The following FAM178B variants were observed in gnomAD, a reference collection of about 807,000 sequenced individuals.
FAM178B encodes the protein protein FAM178B.
FAM178B carries 82 observed loss-of-function variants against 91.7 expected under a neutral mutation model. The ratio of observed to expected loss-of-function variants is 0.89; its 90% CI spans 0.75 to 1.07. The LOEUF (loss-of-function observed/expected upper bound fraction) is 1.07, where lower values mean the gene tolerates loss of function less well. Ranked by LOEUF, FAM178B falls within the 50% of genes least tolerant of loss-of-function variation. The pLI is 0.00. For synonymous variants in FAM178B, 368 were observed against 359.4 expected, an observed-to-expected ratio of 1.02 and a Z score of -0.27; for missense variants, 769 against 846.7, an observed-to-expected ratio of 0.91 and a Z score of 1.14.
chr2:96,972,127 G>C lies in FAM178B; in HGVS notation c.338C>G (p.Pro113Arg). 3.3e-6 allele frequency: 5 copies of C among 1,528,952 alleles called. No homozygotes were observed. In the South Asian group the frequency reaches 3.7e-5, roughly 11 times the overall value. The allele number at this position is 1,528,952 out of a possible 1,614,324, so 94.7% of individuals were successfully genotyped here. ...GETFPTDWSP[P>R]PVEFLNPRVL... Reference sequence around the variant, plus strand: ...CCTCGGGTTGAGGAATTCCACGGGCGGGGGGCTCCAGTCAGTGGGAAACGT... The same window carrying C: ...CCTCGGGTTGAGGAATTCCACGGGCCGGGGGCTCCAGTCAGTGGGAAACGT... Residue 113 changes from proline (P) to arginine (R), a missense_variant, in exon 3 of 17, where the codon CCG becomes CGG. Pro to Arg is a moderately radical substitution (Grantham distance 103). Coordinates refer to ENST00000490605, the MANE Select transcript of FAM178B (RefSeq NM_001122646.3).
chr2:96,897,857 A>C (rs763878535), intron 13 of FAM178B: 1 of 653,690 alleles, frequency 1.5e-6, no homozygotes, highest in Admixed American at 6.3e-5. Context: ...ACTTCTGCGC[A>C]GAAGTCAAAA....
rs574458184 is a variant in FAM178B, at chr2:96,949,830, G to A, written c.993+1549C>T. 2.0e-5 allele frequency among the ~76,000 whole-genome samples: 3 copies of A among 152,322 alleles called. No homozygotes were observed. The East Asian group carries it at 5.8e-4, about 29-fold the overall frequency. ...AGGCCCAGAGCAGAGCTCTGTGGGG[G>A]CACAAGGACAAGGCAGCTCACGGAT... On this transcript the variant is annotated intron_variant, in intron 7 of 16. Transcript: ENST00000490605.
rs1044075588 is a variant in FAM178B at position 96,972,209 on chromosome 2, C to T, written c.256G>A (p.Ala86Thr). The T allele has an allele frequency of 1.9e-6, 3 of 1,543,314 alleles. No individual in the cohort carries two copies. The highest frequency in any genetic ancestry group is 8.7e-7 in the Non-Finnish European group (1 of 1,143,520). ...GGCGATGTGGGAGCTGGAGCCGAGGCAGGGCTGCAGGGCCGCCGGGCAGGG... is the reference window on the plus strand; with the variant it reads ...GGCGATGTGGGAGCTGGAGCCGAGGTAGGGCTGCAGGGCCGCCGGGCAGGG... ...RCPARRPCSP[A>T]SAPAPTSPKK... Residue 86 changes from alanine to threonine, a missense_variant, in exon 3 of 17, where the codon GCC becomes ACC. Transcript: ENST00000490605.
At chr2:96,898,204 G>A (rs749455093) in intron 13 of FAM178B, 42 of 815,896 alleles carry the variant, frequency 5.1e-5, no homozygotes, top group Admixed American at 4.4e-4. Flanking sequence ...AGGGAGGGAC[G>A]GCCCTTGTCC....
In FAM178B at chr2:96,972,237, G is replaced by A; in HGVS notation, c.228C>T (p.Arg76=). The A allele has an allele frequency of 2.6e-6, 4 of 1,526,776 alleles. No homozygotes were observed. The highest frequency in any genetic ancestry group is 3.5e-6 in the Non-Finnish European group (4 of 1,136,844). 94.6% of individuals were successfully genotyped at this position (1,526,776 alleles called of 1,614,324 possible). The stretch of plus-strand genomic sequence containing the variant: ...GGCTGCAGGGCCGCCGGGCAGGGCA[G>A]CGGGGCCCCTGGTCCAGGGGATGGT... ...LSDHPLDQGP[R]CPARRPCSPA... The change falls in exon 3 of 17, where the codon CGC becomes CGT. Residue 76 remains arginine, a synonymous_variant. Coordinates refer to ENST00000490605, the MANE Select transcript of FAM178B (RefSeq NM_001122646.3).
In FAM178B at chr2:96,967,911, CTTTTTTTTTTTT is replaced by C. The variant is rs60965536; in HGVS notation, c.627-296_627-285del. Among the ~76,000 whole-genome samples, 235 of 62,442 alleles carry C rather than the reference CTTTTTTTTTTTT, an allele frequency of 3.8e-3. 10 individuals carry two copies. Among genetic ancestry groups the C allele is most frequent in the South Asian group, 7.9e-3 (15 of 1,900 alleles). 41.0% of individuals were successfully genotyped at this position (62,442 alleles called of 152,430 possible). Reference sequence around the variant, plus strand: ...TCTTTACTTGTGTACCCTGTTTGGTCTTTTTTTTTTTTTTTTTTTTTTTTTTTGATACCAGAC... The same window carrying C: ...TCTTTACTTGTGTACCCTGTTTGGTCTTTTTTTTTTTTTTTGATACCAGAC... On this transcript the variant is annotated intron_variant, in intron 4 of 16. Transcript: ENST00000490605.
chr2:96,934,621 G>A (rs2081594833), intron 8 of FAM178B, among the ~76,000 whole-genome samples: 1 of 152,154 alleles, frequency 6.6e-6, no homozygotes, highest in Non-Finnish European at 1.5e-5. Flanking sequence ...CAGGATGCAG[G>A]CAGACCGGCG....
intron 14 of FAM178B, among the ~76,000 whole-genome samples, chr2:96,884,583 G>C (rs1353250758): frequency 6.6e-6 from 1 of 152,236 alleles, no homozygotes. Context: ...GAGGGAGACA[G>C]AGCTTAGGTG....
intron 1 of FAM178B, among the ~76,000 whole-genome samples, chr2:96,985,150 G>T (rs1298145492): frequency 6.6e-6 from 1 of 152,190 alleles, no homozygotes; most frequent in Non-Finnish European, 1.5e-5. Flanking sequence ...GACAGCGTGG[G>T]AGGGGATATG....
chr2:96,927,308 C>T (rs1437867709), intron 9 of FAM178B, among the ~76,000 whole-genome samples: 4 of 152,216 alleles, frequency 2.6e-5, no homozygotes, highest in South Asian at 4.1e-4. Flanking sequence ...GGGGCTTGAC[C>T]GGTGGTCCCC....
chr2:96,893,889 C>T (rs1316526472), intron 14 of FAM178B, 37 bp downstream of exon 14: 6 of 1,597,516 alleles, frequency 3.8e-6, no homozygotes, highest in Non-Finnish European at 5.1e-6. Flanking sequence ...GTGGTGGCAC[C>T]GTGGTGGAGG....
intron 13 of FAM178B, among the ~76,000 whole-genome samples, chr2:96,899,851 CTTTTTTTTTTTTT>C (rs78433909): frequency 3.5e-5 from 4 of 113,514 alleles, no homozygotes; most frequent in African/African-American, 6.7e-5. Flanking sequence ...ATTCCCCACT[CTTTTTTTTTTTTT>C]TTTTTTTTTT....
chr2:96,978,628 C>CTT (rs70964892), intron 1 of FAM178B, among the ~76,000 whole-genome samples: 3 of 134,630 alleles, frequency 2.2e-5, no homozygotes, highest in South Asian at 2.2e-4. Context: ...ATGATTTCTT[C>CTT]TTTTTTTTTT....
chr2:96,954,437 A>T (rs913018225), intron 6 of FAM178B, among the ~76,000 whole-genome samples: 1 of 152,254 alleles, frequency 6.6e-6, no homozygotes, highest in African/African-American at 2.4e-5. Flanking sequence ...GGCTCAGCAC[A>T]CGGGCCTTCC....
intron 5 of FAM178B, among the ~76,000 whole-genome samples, chr2:96,960,977 C>A (rs1300462113): frequency 1.3e-5 from 2 of 152,176 alleles, no homozygotes; most frequent in East Asian, 3.9e-4. Context: ...TATGAAGGAG[C>A]CTGATTCTCT....
intron 6 of FAM178B, among the ~76,000 whole-genome samples, chr2:96,955,937 C>T (rs1183577460): frequency 6.6e-6 from 1 of 152,236 alleles, no homozygotes; most frequent in Non-Finnish European, 1.5e-5. Context: ...AGCTGAGCCT[C>T]ATCCACCTCC....
At chr2:96,968,306 G>A (rs941820601) in intron 4 of FAM178B, among the ~76,000 whole-genome samples, 2 of 151,772 alleles carry the variant, frequency 1.3e-5, no homozygotes, top group African/African-American at 4.8e-5. Flanking sequence ...CAGCCCCTGC[G>A]CGCCTCACTT....
At chr2:96,916,008 A>C (rs572653872) in intron 12 of FAM178B, among the ~76,000 whole-genome samples, 83 of 152,224 alleles carry the variant, frequency 5.5e-4, no homozygotes, top group Middle Eastern at 3.4e-3. Flanking sequence ...CATCATTTTT[A>C]GGTACCATAT....
chr2:96,905,820 A>G (rs571921182), intron 12 of FAM178B, among the ~76,000 whole-genome samples: 1,530 of 18,920 alleles, frequency 0.081, 9 homozygotes, highest in African/African-American at 0.093. Flanking sequence ...ATATGTGTGT[A>G]TATATATATA....
Sources: allele counts gnomAD v4.1 joint callset (sites outside exome capture counted in the v4.1 genomes callset), GRCh38; gene constraint gnomAD v4.1.1; transcripts MANE v1.5; gene names NCBI Gene and HGNC (gene_info 2026-07-23, HGNC 2026-07-21).